Variants in ARHGEF28 observed in about 807,000 individuals in gnomAD.
ARHGEF28 encodes the protein 190 kDa guanine nucleotide exchange factor.
In ARHGEF28, 152 loss-of-function variants were observed where a neutral mutation model predicts 206.6. That is an observed-to-expected ratio of 0.74 (90% CI 0.64 to 0.84). ARHGEF28 has a LOEUF of 0.84. Among genes scored for constraint, ARHGEF28 ranks in the 40% least tolerant of loss-of-function variants. The probability of loss-of-function intolerance (pLI) is 0.00; values close to 1 mark genes in which losing one functional copy is unlikely to be tolerated. For synonymous variants in ARHGEF28, 763 were observed against 776.4 expected (o/e 0.98, Z 0.29); for missense variants, 2,028 against 2,073.2 (o/e 0.98, Z 0.42).
At chr5:73,743,548 A>G (rs1483604731) in intron 2 of ARHGEF28, among the ~76,000 whole-genome samples, 2 of 152,198 alleles carry the variant, frequency 1.3e-5, no homozygotes, top group South Asian at 4.1e-4. Flanking sequence ...TGGCATTCTG[A>G]TATTTCCCCC....
chr5:73,781,155 A>G (rs1156840057), intron 7 of ARHGEF28, among the ~76,000 whole-genome samples: 2 of 152,136 alleles, frequency 1.3e-5, no homozygotes, highest in Non-Finnish European at 2.9e-5. Flanking sequence ...GAAGTCATGA[A>G]GGAGTTTTTG....
chr5:73,887,636 T>A lies in ARHGEF28; in HGVS notation c.3344T>A (p.Leu1115His). The change falls in exon 26 of 36, where the codon CTC becomes CAC. Residue 1115 changes from leucine to histidine, a missense_variant. Around this residue, in one of 3 missense-constraint regions of ARHGEF28, gnomAD observed 803 missense variants for 768.0 expected, o/e 1.05. Transcript: ENST00000513042. ...ILALLLTDVL[L>H]FLQEKDQKYI... ...GCTCTACTTCTAACTGATGTGCTGC[T>A]CTTTTTACAAGAAAAAGACCAGAAA... The A allele has an allele frequency of 1.9e-6, 3 of 1,574,362 alleles. No homozygotes were observed. Among genetic ancestry groups the A allele is most frequent in the Non-Finnish European group, 2.6e-6 (3 of 1,158,218 alleles).
At chr5:73,811,517 T>G (rs1755833412) in intron 9 of ARHGEF28, among the ~76,000 whole-genome samples, 1 of 152,198 alleles carries the variant, frequency 6.6e-6, no homozygotes, top group African/African-American at 2.4e-5. Flanking sequence ...CTAGGCACCA[T>G]TCTGTGCTCT....
At position 73,833,627 on chromosome 5, in the gene ARHGEF28, C is replaced by T. The variant is rs1213951402; in HGVS notation, c.1146+1168C>T. ...ACAGTGGGAGTTCTGAGGAGATTTT[C>T]AAGACACAGGATGTGTTAGTCCCTT... On this transcript the variant is annotated intron_variant, in intron 10 of 35. Transcript: ENST00000513042. 2.6e-5 allele frequency among the ~76,000 whole-genome samples: 4 copies of T among 152,024 alleles called. No individual in the cohort carries two copies. In the East Asian group the frequency reaches 7.7e-4, roughly 29 times the overall value.
intron 2 of ARHGEF28, among the ~76,000 whole-genome samples, chr5:73,748,701 C>T (rs1751869320): frequency 6.6e-6 from 1 of 152,176 alleles, no homozygotes; most frequent in Non-Finnish European, 1.5e-5. Flanking sequence ...AGATGCTTCT[C>T]CACGCAGGGC....
intron 4 of ARHGEF28, among the ~76,000 whole-genome samples, chr5:73,762,071 G>A (rs142302716): frequency 7.3e-5 from 11 of 150,398 alleles, no homozygotes; most frequent in South Asian, 2.1e-4. Context: ...GGGCTCAAAC[G>A]ATCCTCCTAC....
rs560739191 is a variant in ARHGEF28, at chr5:73,714,902, T to C, written c.33+30018T>C. On this transcript the variant is annotated intron_variant, in intron 2 of 35. Coordinates refer to ENST00000513042, the MANE Select transcript of ARHGEF28 (RefSeq NM_001177693.2). ...AAAAGGTGTGAATAGAATGGTTTTC[T>C]CCCTAGCGTGTGAGTGTTGAGAAAG... Among the ~76,000 whole-genome samples, 16 of 152,236 alleles carry C rather than the reference T, an allele frequency of 1.1e-4. No homozygotes were observed. In the South Asian group the frequency reaches 3.3e-3, roughly 32 times the overall value.
intron 35 of ARHGEF28, among the ~76,000 whole-genome samples, chr5:73,933,722 A>G (rs1318510778): frequency 6.6e-6 from 1 of 152,130 alleles, no homozygotes; most frequent in African/African-American, 2.4e-5. Flanking sequence ...CTTCTCTTGC[A>G]TTGGGCTCTC....
intron 1 of ARHGEF28, among the ~76,000 whole-genome samples, chr5:73,676,575 T>A (rs1265521550): frequency 6.6e-6 from 1 of 152,186 alleles, no homozygotes; most frequent in Non-Finnish European, 1.5e-5. Flanking sequence ...GTGAGGGTCA[T>A]TTTTATTAGA....
intron 6 of ARHGEF28, among the ~76,000 whole-genome samples, chr5:73,779,959 T>A (rs1004240357): frequency 1.1e-4 from 16 of 152,200 alleles, no homozygotes; most frequent in African/African-American, 3.9e-4. Context: ...ATAAGGGACC[T>A]ATGTCAGTTA....
chr5:73,895,971 G>C (rs1176480331), intron 29 of ARHGEF28, among the ~76,000 whole-genome samples: 1 of 152,140 alleles, frequency 6.6e-6, no homozygotes, highest in Non-Finnish European at 1.5e-5. Context: ...TTCACTGATA[G>C]AACCCCTCAT....
chr5:73,904,399 C>A lies in ARHGEF28; in HGVS notation c.4155C>A (p.Ser1385Arg), dbSNP rs777802412. Residue 1385 changes from serine (S) to arginine (R), a missense_variant, in exon 33 of 36, where the codon AGC becomes AGA. Transcript: ENST00000513042. ...AIQNLTRLLY[S>R]LQAALTIQDS... Reference sequence around the variant, plus strand: ...AGAATTTAACCCGTCTCTTATACAGCCTTCAGGTAACTATCCTCCTCTAAT... The same window carrying A: ...AGAATTTAACCCGTCTCTTATACAGACTTCAGGTAACTATCCTCCTCTAAT... The A allele has an allele frequency of 1.7e-5, 28 of 1,610,310 alleles. 1 individual carries two copies. In the South Asian group the frequency reaches 3.1e-4, roughly 18 times the overall value.
intron 9 of ARHGEF28, among the ~76,000 whole-genome samples, chr5:73,808,631 G>A (rs1580647119): frequency 6.6e-6 from 1 of 152,214 alleles, no homozygotes; most frequent in African/African-American, 2.4e-5. Flanking sequence ...ATATGATGAA[G>A]CATATATTTA....
intron 1 of ARHGEF28, among the ~76,000 whole-genome samples, chr5:73,654,703 A>G (rs1745068514): frequency 6.6e-6 from 1 of 152,230 alleles, no homozygotes; most frequent in Non-Finnish European, 1.5e-5. Flanking sequence ...ACCCAGTGAA[A>G]TGCTGCCAGA....
chr5:73,882,012 A>C (rs1760983465), intron 22 of ARHGEF28, among the ~76,000 whole-genome samples: 1 of 152,156 alleles, frequency 6.6e-6, no homozygotes, highest in Non-Finnish European at 1.5e-5. Flanking sequence ...GTCATTAGCC[A>C]GTGTAAATGC....
chr5:73,938,160 C>CCACACCCACACA (rs1764522834), intron 35 of ARHGEF28, among the ~76,000 whole-genome samples: 1 of 139,548 alleles, frequency 7.2e-6, no homozygotes, highest in Admixed American at 7.2e-5. Flanking sequence ...CTACACTACA[C>CCACACCCACACA]CACACACACA....
chr5:73,744,001 C>A (rs1161037451), intron 2 of ARHGEF28, among the ~76,000 whole-genome samples: 1 of 152,168 alleles, frequency 6.6e-6, no homozygotes, highest in East Asian at 1.9e-4. Context: ...CTCACTAGAT[C>A]CAATATTTTC....
intron 14 of ARHGEF28, among the ~76,000 whole-genome samples, chr5:73,853,364 G>GCA (rs1169648780): frequency 6.6e-6 from 1 of 152,198 alleles, no homozygotes; most frequent in Non-Finnish European, 1.5e-5. Flanking sequence ...TGCCAGAATG[G>GCA]CACACATGTT....
At chr5:73,855,630 G>T (rs549084837) in intron 14 of ARHGEF28, among the ~76,000 whole-genome samples, 1 of 151,960 alleles carries the variant, frequency 6.6e-6, no homozygotes, top group Non-Finnish European at 1.5e-5. Context: ...TACTCAGGAG[G>T]CTGAGGCAGG....
Sources: allele counts gnomAD v4.1 joint callset (sites outside exome capture counted in the v4.1 genomes callset), GRCh38; gene constraint gnomAD v4.1.1; regional missense constraint gnomAD v4.1.1; transcripts MANE v1.5; gene names NCBI Gene and HGNC (gene_info 2026-07-23, HGNC 2026-07-21).